KIAA0753: variants seen among roughly 807,000 people sequenced by gnomAD.
KIAA0753 encodes the protein KIAA0753.
A neutral mutation model predicts 116.9 loss-of-function variants in KIAA0753; 114 were observed. The observed-to-expected ratio is 0.98, with a 90% CI of 0.84 to 1.14. The LOEUF (loss-of-function observed/expected upper bound fraction) is 1.14. Ranked by LOEUF, KIAA0753 falls within the 50% of genes most tolerant of loss-of-function variation. The pLI is 0.00. For synonymous variants in KIAA0753, 405 were observed against 413.1 expected, an observed-to-expected ratio of 0.98 and a Z score of 0.24; for missense variants, 1,156 against 1,172.4, an observed-to-expected ratio of 0.99 and a Z score of 0.20.
At chr17:6,583,193 T>C (rs560089476) in intron 18 of KIAA0753, among the ~76,000 whole-genome samples, 1 of 152,228 alleles carries the variant, frequency 6.6e-6, no homozygotes, top group East Asian at 1.9e-4. Flanking sequence ...AACTCCAGAC[T>C]GGTAGTTCTT....
intron 9 of KIAA0753, among the ~76,000 whole-genome samples, 184 bp downstream of exon 9, chr17:6,609,810 G>A (rs953435793): frequency 2.0e-5 from 3 of 152,162 alleles, no homozygotes; most frequent in African/African-American, 7.2e-5. Context: ...TCAGGCAGAA[G>A]AAGGAACCAA....
At chr17:6,627,584 T>C (rs13342054) in intron 3 of KIAA0753, among the ~76,000 whole-genome samples, 26,804 of 152,054 alleles carry the variant, frequency 0.18, 3,002 homozygotes, top group African/African-American at 0.31. Context: ...TGCAGAACTG[T>C]AGAAAACCAT....
intron 8 of KIAA0753, among the ~76,000 whole-genome samples, chr17:6,611,684 T>G (rs1007047219): frequency 6.6e-6 from 1 of 152,210 alleles, no homozygotes; most frequent in South Asian, 2.1e-4. Context: ...ATTAGGATAT[T>G]GGTATCATAT....
At chr17:6,635,802 T>C (rs1246067218) in intron 1 of KIAA0753, 2 of 152,228 alleles carry the variant, frequency 1.3e-5, no homozygotes, top group African/African-American at 4.8e-5. Flanking sequence ...ACCCTTATCA[T>C]TGCCTTGCCC....
chr17:6,600,625 T>A lies in KIAA0753; in HGVS notation c.2010-167A>T, dbSNP rs151204297. Among the ~76,000 whole-genome samples the A allele has an allele frequency of 3.1e-3, 473 of 152,276 alleles. 1 individual carries two copies. Among genetic ancestry groups the A allele is most frequent in the Non-Finnish European group, 5.4e-3 (367 of 68,022 alleles). On this transcript the variant is annotated intron_variant, in intron 12 of 18. Transcript: ENST00000361413. Reference sequence around the variant, plus strand: ...ATCTTGTGAAAATGTAGATTCCAATTCAGTTGGTCTGAGTAAGGCCTGAGA... The same window carrying A: ...ATCTTGTGAAAATGTAGATTCCAATACAGTTGGTCTGAGTAAGGCCTGAGA...
intron 9 of KIAA0753, among the ~76,000 whole-genome samples, chr17:6,609,389 A>G (rs962020594): frequency 6.6e-6 from 1 of 152,174 alleles, no homozygotes; most frequent in Non-Finnish European, 1.5e-5. Flanking sequence ...ATTTCCACCT[A>G]ACTGGACCCT....
At chr17:6,579,974 G>A in intron 18 of KIAA0753, 110 bp from the exon 19 acceptor site, 1 of 732,310 alleles carries the variant, frequency 1.4e-6, no homozygotes, top group Non-Finnish European at 2.4e-6. Context: ...CCTGAGGTCA[G>A]GAGTTTGAGA....
chr17:6,612,312 C>G (rs984231052), intron 7 of KIAA0753, among the ~76,000 whole-genome samples, 164 bp from the exon 8 acceptor site: 2 of 152,220 alleles, frequency 1.3e-5, no homozygotes, highest in Non-Finnish European at 2.9e-5. Context: ...AATATTACTG[C>G]AGGTTTATAA....
At position 6,599,556 on chromosome 17, in the gene KIAA0753, T is replaced by C. The variant is rs116404100; in HGVS notation, c.2089-236A>G. Reference sequence around the variant, plus strand: ...TGTAAACATTGTCAGAATAGCTGCATGCTTTATGCAAGTCATTCAACTTCT... The same window carrying C: ...TGTAAACATTGTCAGAATAGCTGCACGCTTTATGCAAGTCATTCAACTTCT... On this transcript the variant is annotated intron_variant, in intron 13 of 18. Coordinates refer to ENST00000361413, the MANE Select transcript of KIAA0753 (RefSeq NM_014804.3). Among the ~76,000 whole-genome samples, 465 of 152,334 alleles carry C rather than the reference T, an allele frequency of 3.1e-3. 5 individuals carry two copies. Among genetic ancestry groups the C allele is most frequent in the African/African-American group, 0.011 (451 of 41,576 alleles).
At chr17:6,629,358 TTTTA>T (rs1483097666) in intron 2 of KIAA0753, among the ~76,000 whole-genome samples, 1 of 152,224 alleles carries the variant, frequency 6.6e-6, no homozygotes, top group Non-Finnish European at 1.5e-5. Context: ...TCCCTACAGC[TTTTA>T]TTTATCATTG....
chr17:6,613,982 T>C (rs1302839039), intron 7 of KIAA0753, among the ~76,000 whole-genome samples: 1 of 152,118 alleles, frequency 6.6e-6, no homozygotes, highest in Non-Finnish European at 1.5e-5. Context: ...CCAGACTATA[T>C]AAAGAACTTC....
intron 7 of KIAA0753, among the ~76,000 whole-genome samples, chr17:6,615,034 A>G (rs2150853160): frequency 6.6e-6 from 1 of 152,168 alleles, no homozygotes; most frequent in Non-Finnish European, 1.5e-5. Context: ...CCTGACCTCA[A>G]GTGATCCACC....
chr17:6,623,524 A>C lies in KIAA0753; in HGVS notation c.873T>G (p.Ile291Met). ...EELDKLSPHKIKHTKKSWAMS... is the reference protein window; with the variant it reads ...EELDKLSPHKMKHTKKSWAMS... ...TGCAGCATACCTTCTTAGTGTGTTT[A>C]ATTTTATGTGGACTCAATTTATCCA... The change falls in exon 5 of 19, where the codon ATT becomes ATG. Residue 291 changes from isoleucine to methionine, a missense_variant. Physicochemically the swap from Ile to Met is conservative, Grantham distance 10. Transcript: ENST00000361413. 3 of 1,607,474 alleles carry C rather than the reference A, an allele frequency of 1.9e-6. No homozygotes were observed. The South Asian group carries it at 3.3e-5, about 18-fold the overall frequency.
chr17:6,638,662 C>G (rs1195118802), intron 1 of KIAA0753: 1 of 152,946 alleles, frequency 6.5e-6, no homozygotes, highest in Non-Finnish European at 1.5e-5. Flanking sequence ...GGTCTCCTCT[C>G]CAAGCCCAGG....
intron 2 of KIAA0753, among the ~76,000 whole-genome samples, chr17:6,630,578 A>C (rs1474390187): frequency 2.8e-4 from 42 of 152,218 alleles, no homozygotes; most frequent in Non-Finnish European, 8.8e-5. Flanking sequence ...TCTCACTTCT[A>C]GGAATTTACC....
At chr17:6,592,729 G>A (rs549891861) in intron 16 of KIAA0753, among the ~76,000 whole-genome samples, 1 of 152,270 alleles carries the variant, frequency 6.6e-6, no homozygotes, top group South Asian at 2.1e-4. Flanking sequence ...AAGAAAACAA[G>A]AGAATCTCTT....
intron 12 of KIAA0753, among the ~76,000 whole-genome samples, chr17:6,606,391 C>T (rs964016444): frequency 1.3e-5 from 2 of 152,180 alleles, no homozygotes; most frequent in Non-Finnish European, 2.9e-5. Context: ...TTTTAACAAG[C>T]TTCTTTATGT....
intron 3 of KIAA0753, among the ~76,000 whole-genome samples, chr17:6,625,614 C>T (rs1971616165): frequency 6.6e-6 from 1 of 151,872 alleles, no homozygotes; most frequent in South Asian, 2.1e-4. Context: ...TTGCAGTGAG[C>T]TGAGATCGCA....
At chr17:6,599,378 CA>C in intron 13 of KIAA0753, 58 bp from the exon 14 acceptor site, 2 of 1,117,314 alleles carry the variant, frequency 1.8e-6, no homozygotes, top group Non-Finnish European at 2.7e-6. Context: ...CCTATTAGTA[CA>C]AATGAATTCT....
Sources: gnomAD v4.1 joint callset for allele counts (sites outside exome capture counted in the v4.1 genomes callset) on GRCh38, gnomAD v4.1.1 for gene constraint, MANE v1.5 for transcripts, NCBI Gene and HGNC (gene_info 2026-07-23, HGNC 2026-07-21) for gene names.